ZSCAN18: variants seen among roughly 807,000 people sequenced by gnomAD.
ZSCAN18 encodes the protein zinc finger and SCAN domain-containing protein 18.
ZSCAN18 carries 16 observed loss-of-function variants against 31.1 expected under a neutral mutation model. The observed-to-expected ratio is 0.51, with a 90% CI of 0.35 to 0.78. ZSCAN18 has a LOEUF of 0.78. Among genes scored for constraint, ZSCAN18 ranks in the 30% least tolerant of loss-of-function variants. The pLI is 0.01. For missense variants in ZSCAN18, 731 were observed against 697.4 expected, an observed-to-expected ratio of 1.05 and a Z score of -0.54; for synonymous variants, 375 against 320.7, an observed-to-expected ratio of 1.17 and a Z score of -1.81.
At chr19:58,115,798 A>C (rs566833879) in intron 1 of ZSCAN18, among the ~76,000 whole-genome samples, 7 of 152,270 alleles carry the variant, frequency 4.6e-5, no homozygotes, top group African/African-American at 1.4e-4. Context: ...CTTTTGTTAC[A>C]GTTAGTATGC....
At chr19:58,103,883 A>T (rs1246785043) in intron 1 of ZSCAN18, among the ~76,000 whole-genome samples, 1 of 152,220 alleles carries the variant, frequency 6.6e-6, no homozygotes, top group Non-Finnish European at 1.5e-5. Context: ...GGAAATGAAA[A>T]GTGTGACTCC....
At chr19:58,116,466 G>C (rs772872124) in intron 1 of ZSCAN18, among the ~76,000 whole-genome samples, 4 of 152,072 alleles carry the variant, frequency 2.6e-5, no homozygotes, top group Middle Eastern at 3.4e-3. Context: ...AATAGGCAAA[G>C]AACTGCAGAA....
intron 1 of ZSCAN18, among the ~76,000 whole-genome samples, chr19:58,093,558 G>C (rs1282899262): frequency 6.6e-6 from 1 of 152,220 alleles, no homozygotes; most frequent in East Asian, 1.9e-4. Context: ...CCTGCTCTGT[G>C]ACTGAGCGCT....
At chr19:58,116,763 G>C (rs139281582) in intron 1 of ZSCAN18, among the ~76,000 whole-genome samples, 2 of 152,246 alleles carry the variant, frequency 1.3e-5, no homozygotes, top group Non-Finnish European at 2.9e-5. Flanking sequence ...TAAGGAGAGT[G>C]TTTAGAGGAC....
At chr19:58,107,884 A>T (rs572513993) in intron 1 of ZSCAN18, 1 of 1,066,600 alleles carries the variant, frequency 9.4e-7, no homozygotes, top group East Asian at 7.1e-5. Flanking sequence ...TTGGTCAGAC[A>T]GGAGCTGTCC....
At chr19:58,112,233 C>T (rs2074689144) in intron 1 of ZSCAN18, among the ~76,000 whole-genome samples, 1 of 152,098 alleles carries the variant, frequency 6.6e-6, no homozygotes, top group East Asian at 1.9e-4. Context: ...GGGGTTTTTG[C>T]CACTTTGCCT....
intron 1 of ZSCAN18, among the ~76,000 whole-genome samples, chr19:58,104,702 CAATAA>C (rs369292414): frequency 0.011 from 1,483 of 139,916 alleles, 24 homozygotes; most frequent in African/African-American, 0.028. Context: ...GACTCCATCT[CAATAA>C]AATAAAATAA....
At chr19:58,092,975 C>G (rs1430922484) in intron 1 of ZSCAN18, among the ~76,000 whole-genome samples, 1 of 152,022 alleles carries the variant, frequency 6.6e-6, no homozygotes, top group African/African-American at 2.4e-5. Context: ...AGGGATCTCA[C>G]TATGTTGCCC....
At chr19:58,110,269 C>T (rs998880589) in intron 1 of ZSCAN18, among the ~76,000 whole-genome samples, 2 of 152,180 alleles carry the variant, frequency 1.3e-5, no homozygotes, top group Non-Finnish European at 2.9e-5. Context: ...TGATGCTTTG[C>T]TTTTCTGTCT....
At position 58,084,871 on chromosome 19, in the gene ZSCAN18, G is replaced by C. The variant is rs147255500; in HGVS notation, c.1347C>G (p.Thr449=). The C allele has an allele frequency of 6.2e-7, 1 of 1,600,138 alleles. No individual in the cohort carries two copies. Among genetic ancestry groups the C allele is most frequent in the Admixed American group, 1.7e-5 (1 of 58,152 alleles). The change falls in exon 7 of 7, where the codon ACC becomes ACG. Residue 449 remains threonine (T), a synonymous_variant. Transcript: ENST00000601144. The surrounding 1 kb of genome is among the most constrained non-coding windows in gnomAD (Gnocchi z 4.5). ...CGGCTAGGGCCAGGCTGAAGTGGAAGGTCTTCCAGCAGCCCTGACAGGCGT... is the reference window on the plus strand; with the variant it reads ...CGGCTAGGGCCAGGCTGAAGTGGAACGTCTTCCAGCAGCCCTGACAGGCGT... The part of the protein sequence containing the change: ...KRYACQGCWK[T]FHFSLALAEH...
chr19:58,101,522 T>C (rs1036593825), upstream of ZSCAN18, among the ~76,000 whole-genome samples: 14 of 12,974 alleles, frequency 1.1e-3, no homozygotes, highest in East Asian at 7.5e-3. Flanking sequence ...TCTTCTTCTT[T>C]TTTTTTTTTT....
Position 58,084,936 on chromosome 19 carries a change from G to A in ZSCAN18, c.1282C>T (p.Leu428=), listed in dbSNP as rs1200588164. The change falls in exon 7 of 7, where the codon CTG becomes TTG. Residue 428 remains leucine (L), a synonymous_variant. Transcript: ENST00000601144. This position sits in a 1 kb window ranked among gnomAD's most constrained non-coding sequence, Gnocchi z 4.5. Reference sequence around the variant, plus strand: ...CCATGGCTGCTGTGGTGCTCCATCAGGTGCGAGAGCCACGCGAAGGCCTCC... The same window carrying A: ...CCATGGCTGCTGTGGTGCTCCATCAAGTGCGAGAGCCACGCGAAGGCCTCC... ...CGEAFAWLSH[L]MEHHSSHGGR... is the part of the protein sequence containing the mutation. 2 of 1,597,382 alleles carry A rather than the reference G, an allele frequency of 1.3e-6. No homozygotes were observed. Among genetic ancestry groups the A allele is most frequent in the East Asian group, 2.3e-5 (1 of 44,288 alleles).
chr19:58,103,431 T>G lies in ZSCAN18; in HGVS notation c.131-13045A>C, dbSNP rs538536920. ...GCTCTCTGTGTCTCTGTGTCACATT[T>G]TGGTAATTCTCACAATACTTCAAAC... On this transcript the variant is annotated intron_variant, in intron 1 of 1. Coordinates refer to the ZSCAN18 transcript ENST00000595721. Among the ~76,000 whole-genome samples, 216 of 152,360 alleles carry G rather than the reference T, an allele frequency of 1.4e-3. 1 individual carries two copies. Among genetic ancestry groups the G allele is most frequent in the African/African-American group, 5.1e-3 (211 of 41,590 alleles).
At chr19:58,089,323 A>C (rs867123320) in intron 2 of ZSCAN18, among the ~76,000 whole-genome samples, 23 of 136,802 alleles carry the variant, frequency 1.7e-4, no homozygotes, top group Middle Eastern at 3.9e-3. Context: ...AAAAAAAAAA[A>C]AAAAAAAAAA....
At chr19:58,101,505 T>C (rs911905637), upstream of ZSCAN18, among the ~76,000 whole-genome samples, 21 of 117,354 alleles carry the variant, frequency 1.8e-4, 1 homozygote, top group African/African-American at 6.0e-4. Context: ...CTTTCCCATA[T>C]ACTTTATCTT....
chr19:58,098,351 G>A, upstream of ZSCAN18: 2 of 985,518 alleles, frequency 2.0e-6, no homozygotes, highest in South Asian at 4.7e-5. Flanking sequence ...AGTGCGCATG[G>A]CCAATCAGAC....
intron 5 of ZSCAN18, 130 bp downstream of exon 5, chr19:58,086,776 A>T (rs1261274537): frequency 6.2e-6 from 4 of 649,496 alleles, no homozygotes; most frequent in Non-Finnish European, 1.1e-5. Context: ...AAGCTCCAAC[A>T]CGTGCAAGTT....
intron 1 of ZSCAN18, among the ~76,000 whole-genome samples, chr19:58,103,235 A>G (rs770000069): frequency 3.9e-5 from 6 of 152,220 alleles, no homozygotes; most frequent in Non-Finnish European, 7.4e-5. Context: ...TAAAGGAAAT[A>G]CGGTAAGTCT....
intron 1 of ZSCAN18, chr19:58,092,790 T>TTTTA: frequency 1.4e-6 from 1 of 715,166 alleles, no homozygotes; most frequent in Non-Finnish European, 1.7e-6. Flanking sequence ...TTTTTTTTTT[T>TTTTA]AAACACAGGG....
Sources: gnomAD v4.1 joint callset for allele counts (sites outside exome capture counted in the v4.1 genomes callset) on GRCh38, gnomAD v4.1.1 for gene constraint, Gnocchi (gnomAD v3.1) non-coding constraint, MANE v1.5 for transcripts, NCBI Gene and HGNC (gene_info 2026-07-23, HGNC 2026-07-21) for gene names.